Variants in SCEL observed in about 807,000 individuals in gnomAD.
SCEL encodes the protein sciellin.
Under a neutral mutation model 117.6 loss-of-function variants are expected in SCEL, and 113 were observed. The observed-to-expected ratio is 0.96, with a 90% CI of 0.83 to 1.12. The LOEUF (loss-of-function observed/expected upper bound fraction) is 1.12. Among genes scored for constraint, SCEL ranks in the 50% most tolerant of loss-of-function variants. The probability of loss-of-function intolerance (pLI) is 0.00; values close to 1 mark genes in which losing one functional copy is unlikely to be tolerated. For missense variants in SCEL, 785 were observed against 810.8 expected (o/e 0.97, Z 0.39); for synonymous variants, 270 against 256.2 (o/e 1.05, Z -0.51).
At chr13:77,540,937 T>C (rs966242108) in intron 1 of SCEL, among the ~76,000 whole-genome samples, 14 of 152,332 alleles carry the variant, frequency 9.2e-5, no homozygotes, top group African/African-American at 2.4e-4. Flanking sequence ...GTAGTTTGAA[T>C]TGGTGTCTTG....
intron 9 of SCEL, among the ~76,000 whole-genome samples, chr13:77,588,248 A>C (rs1355341594): frequency 3.3e-5 from 5 of 152,152 alleles, no homozygotes; most frequent in Non-Finnish European, 2.9e-5. Flanking sequence ...ACAATACCCC[A>C]ACAATCCTAT....
chr13:77,617,644 CACAA>C lies in SCEL; in HGVS notation c.1502_1505del (p.Asn501ThrfsTer13), dbSNP rs764368015. On this transcript the variant is annotated frameshift_variant, in exon 25 of 33. Coordinates refer to ENST00000349847, the MANE Select transcript of SCEL (RefSeq NM_144777.3). LOFTEE classifies it high-confidence loss of function. Reference sequence around the variant, plus strand: ...TCATCAAGGTGAATCCTGAAATTTTCACAAACAACCAAAGGTAATAAAACTATGT... The same window carrying C: ...TCATCAAGGTGAATCCTGAAATTTTCACAACCAAAGGTAATAAAACTATGT... 1.3e-5 allele frequency: 21 copies of C among 1,594,546 alleles called. No individual in the cohort carries two copies. The highest frequency in any genetic ancestry group is 3.3e-4 in the Middle Eastern group (2 of 5,986).
At chr13:77,565,991 C>G (rs772508501) in intron 5 of SCEL, among the ~76,000 whole-genome samples, 1 of 152,162 alleles carries the variant, frequency 6.6e-6, no homozygotes, top group Non-Finnish European at 1.5e-5. Flanking sequence ...CACAAGTTGA[C>G]AGAAATTTAA....
chr13:77,626,143 G>A lies in SCEL; in HGVS notation c.1629-1804G>A, dbSNP rs530703539. 2.8e-3 allele frequency among the ~76,000 whole-genome samples: 425 copies of A among 152,298 alleles called. 3 individuals are homozygous for A. The highest frequency in any genetic ancestry group is 4.3e-3 in the Non-Finnish European group (291 of 68,008). On this transcript the variant is annotated intron_variant, in intron 27 of 32. Coordinates refer to ENST00000349847, the MANE Select transcript of SCEL (RefSeq NM_144777.3). ...GAGTCTCACAATCATGGTGGAAGGT[G>A]AAGGAGGAGCAAAAGTATGTCTTAT...
At chr13:77,568,150 A>T in intron 6 of SCEL, 145 bp from the exon 7 acceptor site, 1 of 614,328 alleles carries the variant, frequency 1.6e-6, no homozygotes, top group Non-Finnish European at 2.8e-6. Context: ...AAATCATCTT[A>T]TGAAATTTAT....
chr13:77,635,351 A>AC (rs1372160930), intron 29 of SCEL, among the ~76,000 whole-genome samples: 1 of 152,230 alleles, frequency 6.6e-6, no homozygotes, highest in Non-Finnish European at 1.5e-5. Flanking sequence ...ATTTTAAAAC[A>AC]CTAAGGAGTT....
At chr13:77,549,090 C>A (rs1409789214) in intron 1 of SCEL, among the ~76,000 whole-genome samples, 1 of 152,130 alleles carries the variant, frequency 6.6e-6, no homozygotes. Flanking sequence ...AATGGAATTA[C>A]CAGATCATAT....
In SCEL at chr13:77,602,075, C is replaced by T. The variant is rs779676948; in HGVS notation, c.928C>T (p.Leu310Phe). 6.2e-7 allele frequency: 1 copy of T among 1,610,260 alleles called. No homozygotes were observed. Among genetic ancestry groups the T allele is most frequent in the South Asian group, 1.1e-5 (1 of 90,452 alleles). The change falls in exon 16 of 33, where the codon CTT becomes TTT. Residue 310 changes from leucine (L) to phenylalanine (F), a missense_variant. Transcript: ENST00000349847. ...TDKDGKGIQS[L>F]GSPIKVNQRT... ...CCCAATGTTGTAAAGAATCCAAAGC[C>T]TTGGAAGTCCGATTAAAGTTAATCA...
At chr13:77,631,433 G>C (rs1036746858) in intron 28 of SCEL, among the ~76,000 whole-genome samples, 1 of 152,180 alleles carries the variant, frequency 6.6e-6, no homozygotes, top group Admixed American at 6.5e-5. Context: ...ATTGGATTCT[G>C]AAGCAGAAAA....
chr13:77,607,565 ATTAATC>A (rs779738359), intron 19 of SCEL, among the ~76,000 whole-genome samples: 80 of 152,372 alleles, frequency 5.3e-4, no homozygotes, highest in Admixed American at 3.0e-3. Context: ...AAATTGGTGT[ATTAATC>A]TTAATACAGT....
At chr13:77,616,836 A>C (rs2089089070) in intron 24 of SCEL, among the ~76,000 whole-genome samples, 1 of 151,408 alleles carries the variant, frequency 6.6e-6, no homozygotes, top group Non-Finnish European at 1.5e-5. Context: ...ATTGTTTCCC[A>C]GATGGTACTG....
intron 1 of SCEL, among the ~76,000 whole-genome samples, chr13:77,540,255 C>T (rs1247766292): frequency 6.6e-6 from 1 of 152,150 alleles, no homozygotes; most frequent in Non-Finnish European, 1.5e-5. Flanking sequence ...TGATTATGTA[C>T]CAGGTACTGT....
intron 9 of SCEL, among the ~76,000 whole-genome samples, chr13:77,572,823 A>C (rs892647798): frequency 7.2e-5 from 11 of 152,174 alleles, no homozygotes; most frequent in African/African-American, 2.4e-4. Flanking sequence ...TCACATTCTG[A>C]GGAATTGTGG....
chr13:77,602,348 A>G (rs1478569871), intron 16 of SCEL: 1 of 504,958 alleles, frequency 2.0e-6, no homozygotes, highest in Admixed American at 3.6e-5. Context: ...ATAATCTCTT[A>G]TTCCGTATTT....
intron 28 of SCEL, among the ~76,000 whole-genome samples, chr13:77,632,515 T>C (rs2090072309): frequency 6.6e-6 from 1 of 152,208 alleles, no homozygotes; most frequent in African/African-American, 2.4e-5. Flanking sequence ...CCTGTATGTT[T>C]TGTGAAACAT....
At position 77,566,439 on chromosome 13, in the gene SCEL, A is replaced by G. The variant is rs2085293696; in HGVS notation, c.291-1241A>G. ...AGAAGGAACAGGGGCCGAAGTTATG[A>G]GATCCCACCGTTGGCATATAATGAT... On this transcript the variant is annotated intron_variant, in intron 5 of 32. Coordinates refer to ENST00000349847, the MANE Select transcript of SCEL (RefSeq NM_144777.3). 2.0e-5 allele frequency among the ~76,000 whole-genome samples: 3 copies of G among 152,314 alleles called. No individual in the cohort carries two copies. The Middle Eastern group carries it at 0.01, about 522-fold the overall frequency.
intron 1 of SCEL, among the ~76,000 whole-genome samples, chr13:77,552,503 G>A (rs2084392857): frequency 6.6e-6 from 1 of 151,618 alleles, no homozygotes; most frequent in South Asian, 2.1e-4. Context: ...CTTTTGAGAA[G>A]TGTCTGTTCA....
chr13:77,575,499 A>G (rs2085889664), intron 9 of SCEL, among the ~76,000 whole-genome samples: 1 of 152,220 alleles, frequency 6.6e-6, no homozygotes. Flanking sequence ...AAAAAATGAA[A>G]TTTCCTGAGA....
intron 10 of SCEL, among the ~76,000 whole-genome samples, chr13:77,589,893 T>C (rs17068000): frequency 0.025 from 3,743 of 152,262 alleles, 155 homozygotes; most frequent in East Asian, 0.13. Flanking sequence ...TCTGAACTCT[T>C]CCCATGTGTT....
Sources: gnomAD v4.1 joint callset for allele counts (sites outside exome capture counted in the v4.1 genomes callset) on GRCh38, gnomAD v4.1.1 for gene constraint, MANE v1.5 for transcripts, NCBI Gene and HGNC (gene_info 2026-07-23, HGNC 2026-07-21) for gene names.